Variants in LONRF2 observed in about 807,000 individuals in gnomAD.
LONRF2 encodes the protein LON peptidase N-terminal domain and ring finger 2, also known as LON peptidase N-terminal domain and RING finger protein 2.
Under a neutral mutation model 66.6 loss-of-function variants are expected in LONRF2, and 35 were observed. The observed-to-expected ratio is 0.53, with a 90% CI of 0.40 to 0.70. The LOEUF is 0.70. LONRF2 is among the 30% of genes least tolerant of loss of function. LONRF2 has a pLI of 0.00. For missense variants in LONRF2, 902 were observed against 1,002.1 expected (o/e 0.90, Z 1.35); for synonymous variants, 417 against 418.1 (o/e 1.00, Z 0.03).
rs1056711275 is a variant in LONRF2, at chr2:100,322,044, C to A, written c.50G>T (p.Cys17Phe). The change falls in exon 1 of 12, where the codon TGC (cysteine) becomes TTC (phenylalanine). Residue 17 changes from cysteine to phenylalanine, a missense_variant. Transcript: ENST00000393437. ...PPPPPPQCPG[C>F]DRAEPIAQRL... ...CTGGGCGATCGGCTCCGCGCGGTCG[C>A]AGCCAGGACACTGGGGCGGCGGCGG... 7.5e-7 allele frequency: 1 copy of A among 1,335,496 alleles called. No individual in the cohort carries two copies. Among genetic ancestry groups the A allele is most frequent in the Non-Finnish European group, 9.6e-7 (1 of 1,044,562 alleles). The allele number at this position is 1,335,496 out of a possible 1,614,324, so 82.7% of individuals were successfully genotyped here. A position where few individuals can be genotyped will look rare whatever the true frequency, so the allele number is the denominator to read the frequency against.
rs1389713463 is a variant in LONRF2 at position 100,276,316 on chromosome 2, A to AATTTT, written c.*7981_*7982insAAAAT. 6.6e-6 allele frequency: 1 copy of AATTTT among 152,180 alleles called. No individual in the cohort carries two copies. The highest frequency in any genetic ancestry group is 2.4e-5 in the African/African-American group (1 of 41,424). 9.4% of individuals were successfully genotyped at this position (152,180 alleles called of 1,614,324 possible). ...ACATTGTACCCCTATAATCTTTTTAAAAAGGCAACTAAATATAAAATGGGG... is the reference window on the plus strand; with the variant it reads ...ACATTGTACCCCTATAATCTTTTTAAATTTTAAAGGCAACTAAATATAAAATGGGG... On this transcript the variant is annotated 3_prime_UTR_variant, in exon 12 of 12. Coordinates refer to ENST00000393437, the MANE Select transcript of LONRF2 (RefSeq NM_198461.4).
chr2:100,311,660 T>A (rs1179308922), intron 1 of LONRF2, among the ~76,000 whole-genome samples: 3 of 152,218 alleles, frequency 2.0e-5, no homozygotes, highest in African/African-American at 7.2e-5. Flanking sequence ...TCTAATGTTT[T>A]AACATAAAAT....
chr2:100,290,798 T>C (rs1000701748), intron 9 of LONRF2, among the ~76,000 whole-genome samples: 22 of 152,264 alleles, frequency 1.4e-4, no homozygotes, highest in Middle Eastern at 3.4e-3. Context: ...CACTCGGCTT[T>C]CCAAAGCTCT....
In LONRF2 at chr2:100,294,221, G is replaced by C; in HGVS notation, c.1757+8C>G. ...GGACCCTTTGAACCAAATGCTAACAGTTCTTACCCCGCGTGCTCAGCAGAT... is the reference window on the plus strand; with the variant it reads ...GGACCCTTTGAACCAAATGCTAACACTTCTTACCCCGCGTGCTCAGCAGAT... On this transcript the variant is annotated splice_region_variant and intron_variant, in intron 9 of 11. Transcript: ENST00000393437. 5.0e-6 allele frequency: 8 copies of C among 1,603,392 alleles called. No homozygotes were observed. The highest frequency in any genetic ancestry group is 6.8e-6 in the Non-Finnish European group (8 of 1,176,098).
rs754817965 is a variant in LONRF2, at chr2:100,276,542, A to G, written c.*7756T>C. On this transcript the variant is annotated 3_prime_UTR_variant, in exon 12 of 12. Coordinates refer to ENST00000393437, the MANE Select transcript of LONRF2 (RefSeq NM_198461.4). ...CCATGGACCTCCAGTTAAAACAGTT[A>G]ATATGAGGTATTCAAGGATTAAAAC... 6.6e-6 allele frequency: 1 copy of G among 152,332 alleles called. No homozygotes were observed. The highest frequency in any genetic ancestry group is 2.1e-4 in the South Asian group (1 of 4,826). The allele number at this position is 152,332 out of a possible 1,614,324, so 9.4% of individuals were successfully genotyped here.
chr2:100,309,283 C>T, intron 1 of LONRF2, 58 bp from the exon 2 acceptor site: 2 of 1,045,862 alleles, frequency 1.9e-6, no homozygotes, highest in South Asian at 1.4e-5. Flanking sequence ...AACAAGTAAT[C>T]TTAATGTCAT....
At position 100,290,806 on chromosome 2, in the gene LONRF2, T is replaced by C. The variant is rs77140246; in HGVS notation, c.1758-386A>G. Among the ~76,000 whole-genome samples, 484 of 152,190 alleles carry C rather than the reference T, an allele frequency of 3.2e-3. 2 individuals are homozygous for C. Among genetic ancestry groups the C allele is most frequent in the African/African-American group, 0.011 (465 of 41,524 alleles). On this transcript the variant is annotated intron_variant, in intron 9 of 11. Transcript: ENST00000393437. The stretch of plus-strand genomic sequence containing the variant: ...ACGCACACACTCGGCTTTCCAAAGC[T>C]CTCCCCAGCTCTTACCCACACTCCG...
At chr2:100,303,325 C>A (rs140688407) in intron 2 of LONRF2, among the ~76,000 whole-genome samples, 83 of 152,320 alleles carry the variant, frequency 5.4e-4, no homozygotes, top group Non-Finnish European at 1.0e-3. Flanking sequence ...TAAGAGAAAA[C>A]TGGCTATCCA....
At chr2:100,297,190 G>A (rs1675086551) in intron 7 of LONRF2, among the ~76,000 whole-genome samples, 1 of 151,690 alleles carries the variant, frequency 6.6e-6, no homozygotes, top group South Asian at 2.1e-4. Context: ...GTGCAGTGGC[G>A]CAATCTTGGC....
chr2:100,280,724 T>C lies in LONRF2; in HGVS notation c.*3574A>G, dbSNP rs2105709375. The C allele has an allele frequency of 6.6e-6, 1 of 152,176 alleles. No homozygotes were observed. The highest frequency in any genetic ancestry group is 1.5e-5 in the Non-Finnish European group (1 of 68,066). 9.4% of individuals were successfully genotyped at this position (152,176 alleles called of 1,614,324 possible). On this transcript the variant is annotated 3_prime_UTR_variant, in exon 12 of 12. Coordinates refer to ENST00000393437, the MANE Select transcript of LONRF2 (RefSeq NM_198461.4). ...TGAACCCAGGAGGCGGAGGTTGTGG[T>C]GAGACGAGATTGCGCCATTGCACTC...
At position 100,300,791 on chromosome 2, in the gene LONRF2, T is replaced by C. The variant is rs954742711; in HGVS notation, c.922-4A>G. 4 of 1,574,100 alleles carry C rather than the reference T, an allele frequency of 2.5e-6. No individual in the cohort carries two copies. The highest frequency in any genetic ancestry group is 2.7e-5 in the African/African-American group (2 of 72,832). ...AAAACAGCACTTCACACATTACCTATAAAATTGCCAAGAAAAGAAAAAATA... is the reference window on the plus strand; with the variant it reads ...AAAACAGCACTTCACACATTACCTACAAAATTGCCAAGAAAAGAAAAAATA... On this transcript the variant is annotated splice_polypyrimidine_tract_variant and splice_region_variant and intron_variant, in intron 3 of 11. Coordinates refer to ENST00000393437, the MANE Select transcript of LONRF2 (RefSeq NM_198461.4).
intron 11 of LONRF2, among the ~76,000 whole-genome samples, chr2:100,285,351 A>G (rs1219850998): frequency 2.0e-5 from 3 of 152,230 alleles, no homozygotes; most frequent in Non-Finnish European, 2.9e-5. Flanking sequence ...AGAGGTAGAA[A>G]GGCACAGATG....
At position 100,322,235 on chromosome 2, in the gene LONRF2, G is replaced by C; in HGVS notation, c.-142C>G. The C allele has an allele frequency of 6.9e-6, 6 of 867,722 alleles. No individual in the cohort carries two copies. The highest frequency in any genetic ancestry group is 9.0e-6 in the Non-Finnish European group (6 of 668,082). 53.8% of individuals were successfully genotyped at this position (867,722 alleles called of 1,614,324 possible). A position where few individuals can be genotyped will look rare whatever the true frequency, so the allele number is the denominator to read the frequency against. ...CGTCTGGGGGCGGCGCGCTGCGAGCGGCTGAGACCGCGGGCGGGGGCGGGC... is the reference window on the plus strand; with the variant it reads ...CGTCTGGGGGCGGCGCGCTGCGAGCCGCTGAGACCGCGGGCGGGGGCGGGC... On this transcript the variant is annotated 5_prime_UTR_variant, in exon 1 of 12. Transcript: ENST00000393437.
In LONRF2 at chr2:100,294,366, G is replaced by A; in HGVS notation, c.1620C>T (p.Ile540=). 1 of 1,595,020 alleles carries A rather than the reference G, an allele frequency of 6.3e-7. No homozygotes were observed. Among genetic ancestry groups the A allele is most frequent in the South Asian group, 1.1e-5 (1 of 88,268 alleles). The change falls in exon 9 of 12, where the codon ATC becomes ATT. Residue 540 remains isoleucine, a synonymous_variant. Coordinates refer to ENST00000393437, the MANE Select transcript of LONRF2 (RefSeq NM_198461.4). Reference sequence around the variant, plus strand: ...TGGGGAAGGCCATGGCACACACAAAGATGGGGACGTCTCTGGTCAGACTGC... The same window carrying A: ...TGGGGAAGGCCATGGCACACACAAAAATGGGGACGTCTCTGGTCAGACTGC... ...ELSNLTRDVP[I]FVCAMAFPTV...
At chr2:100,313,069 G>A (rs1203926911) in intron 1 of LONRF2, among the ~76,000 whole-genome samples, 2 of 152,222 alleles carry the variant, frequency 1.3e-5, no homozygotes, top group Non-Finnish European at 2.9e-5. Flanking sequence ...CCACAACTGT[G>A]TTTAGGGTCG....
chr2:100,311,411 C>A (rs558203880), intron 1 of LONRF2, among the ~76,000 whole-genome samples: 2 of 151,778 alleles, frequency 1.3e-5, no homozygotes, highest in African/African-American at 4.8e-5. Flanking sequence ...GTTTTTTAGG[C>A]TTGGGTTATG....
chr2:100,290,120 T>C (rs1674928220), intron 10 of LONRF2, 138 bp downstream of exon 10: 12 of 734,574 alleles, frequency 1.6e-5, no homozygotes, highest in Non-Finnish European at 2.1e-5. Flanking sequence ...AATAAACAAA[T>C]AGATAAATAA....
rs1674681594 is a variant in LONRF2 at position 100,280,024 on chromosome 2, A to G, written c.*4274T>C. On this transcript the variant is annotated 3_prime_UTR_variant, in exon 12 of 12. Coordinates refer to ENST00000393437, the MANE Select transcript of LONRF2 (RefSeq NM_198461.4). ...TGGCATCCACCTTTCTGCGTCCTCA[A>G]TCAGTTACTTTTATCAGACCTGGGT... 6.6e-6 allele frequency: 1 copy of G among 152,066 alleles called. No homozygotes were observed. Among genetic ancestry groups the G allele is most frequent in the Admixed American group, 6.5e-5 (1 of 15,270 alleles). The allele number at this position is 152,066 out of a possible 1,614,324, so 9.4% of individuals were successfully genotyped here.
intron 1 of LONRF2, among the ~76,000 whole-genome samples, chr2:100,316,196 G>A (rs900063443): frequency 1.3e-4 from 20 of 151,596 alleles, no homozygotes; most frequent in African/African-American, 4.1e-4. Flanking sequence ...GCAGGTGCCT[G>A]TAGTCCCAGC....
Sources: allele counts gnomAD v4.1 joint callset (sites outside exome capture counted in the v4.1 genomes callset), GRCh38; gene constraint gnomAD v4.1.1; transcripts MANE v1.5; gene names NCBI Gene and HGNC (gene_info 2026-07-23, HGNC 2026-07-21).